INPP5F: variants seen among roughly 807,000 people sequenced by gnomAD.
INPP5F encodes inositol polyphosphate-5-phosphatase F.
INPP5F carries 97 observed loss-of-function variants against 137.2 expected under a neutral mutation model. That is an observed-to-expected ratio of 0.71 (90% CI 0.60 to 0.84). The LOEUF is 0.84. INPP5F is among the 40% of genes least tolerant of loss of function. INPP5F has a pLI of 0.00. For missense variants in INPP5F, 1,271 were observed against 1,371.9 expected, an observed-to-expected ratio of 0.93 and a Z score of 1.16; for synonymous variants, 504 against 476.9, an observed-to-expected ratio of 1.06 and a Z score of -0.74.
At chr10:119,758,183 G>A (rs979329578) in intron 2 of INPP5F, among the ~76,000 whole-genome samples, 2 of 152,220 alleles carry the variant, frequency 1.3e-5, no homozygotes, top group African/African-American at 4.8e-5. Context: ...ACAAGTGTGG[G>A]GTGCTGTGGT....
At chr10:119,770,346 T>G (rs1849300772) in intron 2 of INPP5F, among the ~76,000 whole-genome samples, 1 of 152,246 alleles carries the variant, frequency 6.6e-6, no homozygotes, top group Admixed American at 6.5e-5. Flanking sequence ...TGAACCAAGT[T>G]TCTTTTCCTG....
intron 2 of INPP5F, among the ~76,000 whole-genome samples, chr10:119,769,146 T>G (rs921080789): frequency 2.0e-5 from 3 of 152,164 alleles, no homozygotes; most frequent in Non-Finnish European, 4.4e-5. Flanking sequence ...TTAATAAAAA[T>G]AAAAATGATT....
At chr10:119,760,652 T>G (rs1848984370) in intron 2 of INPP5F, among the ~76,000 whole-genome samples, 1 of 152,240 alleles carries the variant, frequency 6.6e-6, no homozygotes, top group Non-Finnish European at 1.5e-5. Context: ...ATAAATTTGT[T>G]AAGTTCTCAC....
chr10:119,734,096 C>T (rs948434881), intron 1 of INPP5F, among the ~76,000 whole-genome samples: 9 of 152,230 alleles, frequency 5.9e-5, no homozygotes, highest in African/African-American at 2.2e-4. Context: ...TTCAGTGAAG[C>T]AGGAATCTCA....
At chr10:119,751,585 T>C (rs1416508342) in intron 2 of INPP5F, among the ~76,000 whole-genome samples, 1 of 152,088 alleles carries the variant, frequency 6.6e-6, no homozygotes, top group Non-Finnish European at 1.5e-5. Context: ...TGTGGTCCTG[T>C]CAGGGATCCC....
chr10:119,773,089 C>T (rs972411348), intron 2 of INPP5F, among the ~76,000 whole-genome samples: 1 of 151,882 alleles, frequency 6.6e-6, no homozygotes, highest in Non-Finnish European at 1.5e-5. Context: ...TAGTGTCTTA[C>T]TCTGTTGCCC....
At position 119,787,627 on chromosome 10, in the gene INPP5F, G is replaced by T. The variant is rs1375827549; in HGVS notation, c.316-3890G>T. On this transcript the variant is annotated intron_variant, in intron 3 of 19. Transcript: ENST00000650623. This position sits in a 1 kb window ranked among gnomAD's most constrained non-coding sequence, Gnocchi z 4.1. ...AAAGGATAGAAGGAAGGAAAGGGAA[G>T]GGGGAGGGGAAGGGGAGGAGGAAGG... Among the ~76,000 whole-genome samples, 1 of 151,788 alleles carries T rather than the reference G, an allele frequency of 6.6e-6. No homozygotes were observed. The highest frequency in any genetic ancestry group is 2.4e-5 in the African/African-American group (1 of 41,340).
chr10:119,760,446 G>A (rs1254427393), intron 2 of INPP5F, among the ~76,000 whole-genome samples: 1 of 152,138 alleles, frequency 6.6e-6, no homozygotes, highest in African/African-American at 2.4e-5. Context: ...GTGAGACCCT[G>A]TCTCTTAAAG....
chr10:119,770,170 T>C (rs1323142532), intron 2 of INPP5F, among the ~76,000 whole-genome samples: 2 of 152,162 alleles, frequency 1.3e-5, no homozygotes, highest in Non-Finnish European at 2.9e-5. Context: ...TTTCCTTGTC[T>C]CTCTTTTCCA....
chr10:119,760,372 C>T (rs1357748706), intron 2 of INPP5F, among the ~76,000 whole-genome samples: 4 of 152,020 alleles, frequency 2.6e-5, no homozygotes, highest in East Asian at 1.9e-4. Context: ...GCCAGGAGCT[C>T]GAGGCTACAG....
chr10:119,819,596 A>C (rs1203185299), intron 15 of INPP5F: 7 of 1,411,990 alleles, frequency 5.0e-6, no homozygotes, highest in Non-Finnish European at 6.8e-6. Flanking sequence ...ATTATTCTCT[A>C]TGAAGCTGTC....
chr10:119,807,024 A>T (rs1158679428), intron 12 of INPP5F, among the ~76,000 whole-genome samples: 1 of 151,994 alleles, frequency 6.6e-6, no homozygotes, highest in Non-Finnish European at 1.5e-5. Context: ...TAATCCAAGC[A>T]CTTTGGGAGG....
intron 2 of INPP5F, among the ~76,000 whole-genome samples, chr10:119,755,822 C>T (rs919740974): frequency 3.3e-5 from 5 of 152,124 alleles, no homozygotes; most frequent in Non-Finnish European, 7.4e-5. Flanking sequence ...ACAGTTATTG[C>T]GAAGATTTAA....
intron 3 of INPP5F, among the ~76,000 whole-genome samples, chr10:119,783,325 G>T (rs537144376): frequency 2.0e-5 from 3 of 152,156 alleles, no homozygotes; most frequent in Middle Eastern, 6.3e-3. Flanking sequence ...TCCCTTGAGG[G>T]TGGGCACCCC....
In INPP5F at chr10:119,750,342, T is replaced by C. The variant is rs144626112; in HGVS notation, c.98-734T>C. ...CAAATGTTACGTTTATTACCACGTA[T>C]ATAACCTTTTGCAATCTGGGCCACA... On this transcript the variant is annotated intron_variant, in intron 1 of 19. Coordinates refer to ENST00000650623, the MANE Select transcript of INPP5F (RefSeq NM_014937.4). Among the ~76,000 whole-genome samples, 315 of 152,254 alleles carry C rather than the reference T, an allele frequency of 2.1e-3. 3 individuals carry two copies. Among genetic ancestry groups the C allele is most frequent in the African/African-American group, 7.3e-3 (303 of 41,582 alleles).
chr10:119,785,258 A>AACCT (rs1335062430), intron 3 of INPP5F, among the ~76,000 whole-genome samples: 1 of 124,114 alleles, frequency 8.1e-6, no homozygotes, highest in East Asian at 2.3e-4. Flanking sequence ...TGGTAACTCT[A>AACCT]TCTAACCTTT....
intron 1 of INPP5F, among the ~76,000 whole-genome samples, chr10:119,743,021 C>G (rs1848421920): frequency 6.6e-6 from 1 of 152,094 alleles, no homozygotes. Context: ...AAAGAAAGAG[C>G]CCTAGTCTGA....
chr10:119,827,217 G>A lies in INPP5F; in HGVS notation c.2836G>A (p.Val946Ile), dbSNP rs780648966. 36 of 1,613,914 alleles carry A rather than the reference G, an allele frequency of 2.2e-5. No homozygotes were observed. Among genetic ancestry groups the A allele is most frequent in the Middle Eastern group, 3.3e-4 (2 of 6,082 alleles). Residue 946 changes from valine to isoleucine, a missense_variant, in exon 20 of 20, where the codon GTA (valine) becomes ATA (isoleucine). Physicochemically the swap from Val to Ile is conservative, Grantham distance 29 (BLOSUM62 3). Transcript: ENST00000650623. The stretch of plus-strand genomic sequence containing the variant: ...GAAGAAAAGTCCTTCTGCTGGCGAC[G>A]TACACATATTGACTGGCTTTGCCAA... ...PLKKSPSAGD[V>I]HILTGFAKPM...
At chr10:119,737,850 T>C (rs1848259341) in intron 1 of INPP5F, among the ~76,000 whole-genome samples, 1 of 152,238 alleles carries the variant, frequency 6.6e-6, no homozygotes, top group South Asian at 2.1e-4. Flanking sequence ...CCTTTGTCTT[T>C]AGCAGGAAAT....
Sources: allele counts gnomAD v4.1 joint callset (sites outside exome capture counted in the v4.1 genomes callset), GRCh38; gene constraint gnomAD v4.1.1; non-coding constraint Gnocchi (gnomAD v3.1); transcripts MANE v1.5; gene names NCBI Gene and HGNC (gene_info 2026-07-23, HGNC 2026-07-21).